GALNT4: variants seen among roughly 807,000 people sequenced by gnomAD.
GALNT4 encodes UDP-GalNAc:polypeptide N-acetylgalactosaminyltransferase 4.
A neutral mutation model predicts 45.1 loss-of-function variants in GALNT4; 23 were observed. The observed-to-expected ratio is 0.51, with a 90% CI of 0.37 to 0.72. The LOEUF (loss-of-function observed/expected upper bound fraction) is 0.72. Among genes scored for constraint, GALNT4 ranks in the 30% least tolerant of loss-of-function variants. The pLI, the probability that GALNT4 is intolerant of heterozygous loss-of-function variation, is 0.00. For synonymous variants in GALNT4, 264 were observed against 257.6 expected (o/e 1.02, Z -0.24); for missense variants, 757 against 709.0 (o/e 1.07, Z -0.77).
At position 89,523,019 on chromosome 12, in the gene GALNT4, T is replaced by A. The variant is rs1871027987; in HGVS notation, c.1531A>T (p.Asn511Tyr). The change falls in exon 1 of 1, where the codon AAT (asparagine) becomes TAT (tyrosine). Residue 511 changes from asparagine (N) to tyrosine (Y), a missense_variant. Coordinates refer to ENST00000529983, the MANE Select transcript of GALNT4 (RefSeq NM_003774.5). ...ELCAEVPEQK[N>Y]YVGMQNCPKD... is the part of the protein sequence containing the mutation. ...GGACAATTTTGCATTCCCACATAAT[T>A]TTTTTGCTCAGGTACCTCTGCACAT... is the stretch of plus-strand genomic sequence containing the variant. 6.2e-7 allele frequency: 1 copy of A among 1,613,848 alleles called. No individual in the cohort carries two copies. Among genetic ancestry groups the A allele is most frequent in the African/African-American group, 1.3e-5 (1 of 75,026 alleles).
Position 89,524,531 on chromosome 12 carries a change from A to G in GALNT4, c.19T>C (p.Trp7Arg), listed in dbSNP as rs555150449. 2.1e-5 allele frequency: 34 copies of G among 1,611,576 alleles called. No individual in the cohort carries two copies. The East Asian group carries it at 6.9e-4, about 33-fold the overall frequency. The change falls in exon 1 of 1, where the codon TGG (tryptophan) becomes CGG (arginine). Residue 7 changes from tryptophan (W) to arginine (R), a missense_variant. Physicochemically the swap from Trp to Arg is moderately radical, Grantham distance 101. Coordinates refer to ENST00000529983, the MANE Select transcript of GALNT4 (RefSeq NM_003774.5). The part of the protein sequence containing the change: MAVRWT[W>R]AGKSCLLLAF... ...AGCAGCAGGCAGCTCTTGCCTGCCCAAGTCCACCTCACCGCCATCCGGATT... is the reference window on the plus strand; with the variant it reads ...AGCAGCAGGCAGCTCTTGCCTGCCCGAGTCCACCTCACCGCCATCCGGATT...
Position 89,519,960 on chromosome 12 carries a change from C to T in GALNT4, c.*2853G>A, listed in dbSNP as rs1338392568. 6.6e-6 allele frequency: 1 copy of T among 152,168 alleles called. No individual in the cohort carries two copies. Among genetic ancestry groups the T allele is most frequent in the Non-Finnish European group, 1.5e-5 (1 of 68,020 alleles). 9.4% of individuals were successfully genotyped at this position (152,168 alleles called of 1,614,324 possible). On this transcript the variant is annotated 3_prime_UTR_variant, in exon 1 of 1. Transcript: ENST00000529983. ...CATATACATTAACTTAAAAGGTCAA[C>T]TCTTAATTGTCTATAGCCAAAGAGA...
chr12:89,522,712 G>C lies in GALNT4; in HGVS notation c.*101C>G. On this transcript the variant is annotated 3_prime_UTR_variant, in exon 1 of 1. Transcript: ENST00000529983. ...CCAGTGCTCCACAGATGACTGCTAGGTGGCTTTTGATAAAATAAAATACAA... is the reference window on the plus strand; with the variant it reads ...CCAGTGCTCCACAGATGACTGCTAGCTGGCTTTTGATAAAATAAAATACAA... 1 of 1,451,324 alleles carries C rather than the reference G, an allele frequency of 6.9e-7. No homozygotes were observed. Among genetic ancestry groups the C allele is most frequent in the South Asian group, 1.5e-5 (1 of 67,986 alleles). The allele number at this position is 1,451,324 out of a possible 1,614,324, so 89.9% of individuals were successfully genotyped here.
chr12:89,520,688 C>A lies in GALNT4; in HGVS notation c.*2125G>T, dbSNP rs1870776202. The A allele has an allele frequency of 6.6e-6, 1 of 152,072 alleles. No homozygotes were observed. The highest frequency in any genetic ancestry group is 6.5e-5 in the Admixed American group (1 of 15,270). The allele number at this position is 152,072 out of a possible 1,614,324, so 9.4% of individuals were successfully genotyped here. On this transcript the variant is annotated 3_prime_UTR_variant, in exon 1 of 1. Coordinates refer to ENST00000529983, the MANE Select transcript of GALNT4 (RefSeq NM_003774.5). Reference sequence around the variant, plus strand: ...CAATTTTATTTTTTGAAATGGTTATCCTAAAGAATTTCCTTAAATTCAGAT... The same window carrying A: ...CAATTTTATTTTTTGAAATGGTTATACTAAAGAATTTCCTTAAATTCAGAT...
chr12:89,524,403 G>A lies in GALNT4; in HGVS notation c.147C>T (p.Leu49=). The change falls in exon 1 of 1, where the codon CTC becomes CTT. Residue 49 remains leucine (L), a synonymous_variant. Transcript: ENST00000529983. ...CCTCCGTATTTTTCTGGAGGTCTGA[G>A]AGCCTTCTTGACCCCAGCTCCCTGG... ...GRARELGSRR[L]SDLQKNTEDL... The A allele has an allele frequency of 6.2e-7, 1 of 1,614,018 alleles. No individual in the cohort carries two copies. The highest frequency in any genetic ancestry group is 8.5e-7 in the Non-Finnish European group (1 of 1,179,896).
rs766060100 is a variant in GALNT4 at position 89,524,404 on chromosome 12, A to G, written c.146T>C (p.Leu49Pro). The G allele has an allele frequency of 1.5e-5, 25 of 1,613,978 alleles. No homozygotes were observed. Among genetic ancestry groups the G allele is most frequent in the South Asian group, 2.2e-5 (2 of 91,084 alleles). The change falls in exon 1 of 1, where the codon CTC becomes CCC. Residue 49 changes from leucine to proline, a missense_variant. Physicochemically the swap from Leu to Pro is moderately conservative, Grantham distance 98. Transcript: ENST00000529983. The part of the protein sequence containing the change: ...GRARELGSRR[L>P]SDLQKNTEDL... ...CTCCGTATTTTTCTGGAGGTCTGAGAGCCTTCTTGACCCCAGCTCCCTGGC... is the reference window on the plus strand; with the variant it reads ...CTCCGTATTTTTCTGGAGGTCTGAGGGCCTTCTTGACCCCAGCTCCCTGGC...
rs1403097768 is a variant in GALNT4, at chr12:89,524,253, T to C, written c.297A>G (p.Arg99=). 2 of 1,614,014 alleles carry C rather than the reference T, an allele frequency of 1.2e-6. No homozygotes were observed. ...ELKQQEELIE[R]YAINIYLSDR... ...CACTGAGGTAAATATTGATGGCGTATCTCTCAATGAGTTCTTCTTGCTGCT... is the reference window on the plus strand; with the variant it reads ...CACTGAGGTAAATATTGATGGCGTACCTCTCAATGAGTTCTTCTTGCTGCT... The change falls in exon 1 of 1, where the codon AGA becomes AGG. Residue 99 remains arginine (R), a synonymous_variant. Coordinates refer to ENST00000529983, the MANE Select transcript of GALNT4 (RefSeq NM_003774.5).
Position 89,522,035 on chromosome 12 carries a change from T to C in GALNT4, c.*778A>G. 5.0e-6 allele frequency: 2 copies of C among 398,950 alleles called. No homozygotes were observed. The highest frequency in any genetic ancestry group is 8.8e-6 in the Non-Finnish European group (2 of 226,030). 24.7% of individuals were successfully genotyped at this position (398,950 alleles called of 1,614,324 possible). A position where few individuals can be genotyped will look rare whatever the true frequency, so the allele number is the denominator to read the frequency against. On this transcript the variant is annotated 3_prime_UTR_variant, in exon 1 of 1. Transcript: ENST00000529983. ...CTAGTACATTCATAACTTAAGGAAG[T>C]GCAATCAGAAAATGCCCTACACACA...
rs1565763022 is a variant in GALNT4 at position 89,522,398 on chromosome 12, G to A, written c.*415C>T. 2 of 380,860 alleles carry A rather than the reference G, an allele frequency of 5.3e-6. No homozygotes were observed. The allele number at this position is 380,860 out of a possible 1,614,324, so 23.6% of individuals were successfully genotyped here. A position where few individuals can be genotyped will look rare whatever the true frequency, so the allele number is the denominator to read the frequency against. ...AATTCTATGTAATCAAAATAGCAAT[G>A]GCTCAAACTGCACATTCATGAGTTT... On this transcript the variant is annotated 3_prime_UTR_variant, in exon 1 of 1. Transcript: ENST00000529983.
chr12:89,523,391 T>A lies in GALNT4; in HGVS notation c.1159A>T (p.Met387Leu), dbSNP rs754673779. ...TAGAAGTGCTCTTTGTATTCATCCA[T>A]CCAAACTTCTGCTGCCCGAGCAGTA... Reference protein sequence around the residue: ...QNTARAAEVWMDEYKEHFYNR... With the variant: ...QNTARAAEVWLDEYKEHFYNR... The change falls in exon 1 of 1, where the codon ATG (methionine) becomes TTG (leucine). Residue 387 changes from methionine to leucine, a missense_variant. Transcript: ENST00000529983. 4.3e-6 allele frequency: 7 copies of A among 1,613,952 alleles called. No individual in the cohort carries two copies. The highest frequency in any genetic ancestry group is 1.3e-5 in the African/African-American group (1 of 74,944).
Position 89,523,886 on chromosome 12 carries a change from C to A in GALNT4, c.664G>T (p.Val222Phe), listed in dbSNP as rs780529311. 19 of 1,577,408 alleles carry A rather than the reference C, an allele frequency of 1.2e-5. No homozygotes were observed. Among genetic ancestry groups the A allele is most frequent in the Non-Finnish European group, 1.6e-5 (19 of 1,165,646 alleles). ...CAGTGACAATCCAGGAAAGTGAGGA[C>A]GTCCCCAGTGGCGAAAGTGGCCCCA... ...LIGATFATGD[V>F]LTFLDCHCEC... Residue 222 changes from valine to phenylalanine, a missense_variant, in exon 1 of 1, where the codon GTC (valine) becomes TTC (phenylalanine). Coordinates refer to ENST00000529983, the MANE Select transcript of GALNT4 (RefSeq NM_003774.5).
rs1332449692 is a variant in GALNT4 at position 89,521,109 on chromosome 12, AT to A, written c.*1703del. ...AGTTCAGCTCACTTATTTTATTATT[AT>A]TTTTTTTTTTTGAGACAGAGTCTTG... On this transcript the variant is annotated 3_prime_UTR_variant, in exon 1 of 1. Transcript: ENST00000529983. 44 of 144,630 alleles carry A rather than the reference AT, an allele frequency of 3.0e-4. No individual in the cohort carries two copies. The highest frequency in any genetic ancestry group is 1.6e-4 in the Non-Finnish European group (11 of 66,734). The allele number at this position is 144,630 out of a possible 1,614,324, so 9.0% of individuals were successfully genotyped here.
rs928106704 is a variant in GALNT4 at position 89,520,753 on chromosome 12, T to C, written c.*2060A>G. The C allele has an allele frequency of 1.3e-5, 2 of 152,340 alleles. No homozygotes were observed. Among genetic ancestry groups the C allele is most frequent in the East Asian group, 3.9e-4 (2 of 5,194 alleles). 9.4% of individuals were successfully genotyped at this position (152,340 alleles called of 1,614,324 possible). ...ACTCTCCAAGTCATCAAGTGAACAC[T>C]AAAAGCAACTTTACTCGTGAATACA... On this transcript the variant is annotated 3_prime_UTR_variant, in exon 1 of 1. Coordinates refer to ENST00000529983, the MANE Select transcript of GALNT4 (RefSeq NM_003774.5).
rs1179211989 is a variant in GALNT4, at chr12:89,521,110, T to A, written c.*1703A>T. ...GTTCAGCTCACTTATTTTATTATTA[T>A]TTTTTTTTTTTGAGACAGAGTCTTG... On this transcript the variant is annotated 3_prime_UTR_variant, in exon 1 of 1. Coordinates refer to ENST00000529983, the MANE Select transcript of GALNT4 (RefSeq NM_003774.5). 7.5e-6 allele frequency: 1 copy of A among 133,780 alleles called. No individual in the cohort carries two copies. 8.3% of individuals were successfully genotyped at this position (133,780 alleles called of 1,614,324 possible). A position where few individuals can be genotyped will look rare whatever the true frequency, so the allele number is the denominator to read the frequency against.
chr12:89,523,888 TC>T lies in GALNT4; in HGVS notation c.661del (p.Asp221ThrfsTer36). 2 of 1,579,330 alleles carry T rather than the reference TC, an allele frequency of 1.3e-6. No individual in the cohort carries two copies. Among genetic ancestry groups the T allele is most frequent in the Non-Finnish European group, 1.7e-6 (2 of 1,166,604 alleles). ...GTGACAATCCAGGAAAGTGAGGACG[TC>T]CCCAGTGGCGAAAGTGGCCCCAATC... Reference protein sequence around the residue: ...RLIGATFATGDVLTFLDCHCE... With the variant: ...RLIGATFATGXVLTFLDCHCE... On this transcript the variant is annotated frameshift_variant, in exon 1 of 1. Coordinates refer to ENST00000529983, the MANE Select transcript of GALNT4 (RefSeq NM_003774.5). LOFTEE classifies it high-confidence loss of function.
Position 89,521,448 on chromosome 12 carries a change from C to T in GALNT4, c.*1365G>A, listed in dbSNP as rs1278132362. ...AACCCATTTCTCTTCTCCAGCTTCA[C>T]AACTGGACTGAACATTGCTCAACTG... is the stretch of plus-strand genomic sequence containing the variant. On this transcript the variant is annotated 3_prime_UTR_variant, in exon 1 of 1. Coordinates refer to ENST00000529983, the MANE Select transcript of GALNT4 (RefSeq NM_003774.5). 1.3e-5 allele frequency: 2 copies of T among 152,216 alleles called. No homozygotes were observed. Among genetic ancestry groups the T allele is most frequent in the African/African-American group, 2.4e-5 (1 of 41,442 alleles). 9.4% of individuals were successfully genotyped at this position (152,216 alleles called of 1,614,324 possible). A position where few individuals can be genotyped will look rare whatever the true frequency, so the allele number is the denominator to read the frequency against.
chr12:89,524,745 A>T lies in GALNT4; in HGVS notation c.-196T>A. On this transcript the variant is annotated 5_prime_UTR_variant, in exon 1 of 1. Transcript: ENST00000529983. ...CGGTCCTCGGCCTCCGGCACAGCCCAACTCCTCTCTCCCTACTTCCTCCTG... is the reference window on the plus strand; with the variant it reads ...CGGTCCTCGGCCTCCGGCACAGCCCTACTCCTCTCTCCCTACTTCCTCCTG... 1.5e-6 allele frequency: 1 copy of T among 647,376 alleles called. No homozygotes were observed. The highest frequency in any genetic ancestry group is 4.2e-4 in the Middle Eastern group (1 of 2,356). 40.1% of individuals were successfully genotyped at this position (647,376 alleles called of 1,614,324 possible).
chr12:89,520,729 C>T lies in GALNT4; in HGVS notation c.*2084G>A, dbSNP rs1042432147. On this transcript the variant is annotated 3_prime_UTR_variant, in exon 1 of 1. Coordinates refer to ENST00000529983, the MANE Select transcript of GALNT4 (RefSeq NM_003774.5). ...AAATTCAGATTTTGCAAAATTCCTA[C>T]TCTCCAAGTCATCAAGTGAACACTA... 6.6e-6 allele frequency: 1 copy of T among 152,158 alleles called. No individual in the cohort carries two copies. The highest frequency in any genetic ancestry group is 1.5e-5 in the Non-Finnish European group (1 of 68,026). The allele number at this position is 152,158 out of a possible 1,614,324, so 9.4% of individuals were successfully genotyped here.
chr12:89,520,873 T>C lies in GALNT4; in HGVS notation c.*1940A>G, dbSNP rs986734590. ...AAATTCATCCTGTGATTTCTGCATATAATATTGGTATAAAACCAGTAAAAA... is the reference window on the plus strand; with the variant it reads ...AAATTCATCCTGTGATTTCTGCATACAATATTGGTATAAAACCAGTAAAAA... On this transcript the variant is annotated 3_prime_UTR_variant, in exon 1 of 1. Transcript: ENST00000529983. 1.3e-5 allele frequency: 2 copies of C among 152,170 alleles called. No homozygotes were observed. Among genetic ancestry groups the C allele is most frequent in the African/African-American group, 4.8e-5 (2 of 41,442 alleles). 9.4% of individuals were successfully genotyped at this position (152,170 alleles called of 1,614,324 possible).
Sources: gnomAD v4.1 joint callset for allele counts on GRCh38, gnomAD v4.1.1 for gene constraint, MANE v1.5 for transcripts, NCBI Gene and HGNC (gene_info 2026-07-23, HGNC 2026-07-21) for gene names.